The following TRIM38 variants were observed in gnomAD, a reference collection of about 807,000 sequenced individuals.
TRIM38 encodes the protein tripartite motif containing 38, also known as E3 ubiquitin-protein ligase TRIM38.
TRIM38 carries 35 observed loss-of-function variants against 35.8 expected under a neutral mutation model. That is an observed-to-expected ratio of 0.98 (90% CI 0.75 to 1.30). The LOEUF is 1.30. TRIM38 is among the 50% of genes most tolerant of loss of function. TRIM38 has a pLI of 0.00. For synonymous variants in TRIM38, 198 were observed against 204.7 expected (o/e 0.97, Z 0.28); for missense variants, 545 against 556.9 (o/e 0.98, Z 0.21).
chr6:25,986,473 C>T lies in TRIM38; in HGVS notation c.*2786C>T, dbSNP rs1760710925. 1 of 147,596 alleles carries T rather than the reference C, an allele frequency of 6.8e-6. No homozygotes were observed. 9.1% of individuals were successfully genotyped at this position (147,596 alleles called of 1,614,324 possible). A position where few individuals can be genotyped will look rare whatever the true frequency, so the allele number is the denominator to read the frequency against. ...AGGCTGCAGTGAGCCATGGTCATGC[C>T]ACTGAATTCCAGCCTAAGTGACAGA... On this transcript the variant is annotated 3_prime_UTR_variant, in exon 8 of 8. Coordinates refer to ENST00000357085, the MANE Select transcript of TRIM38 (RefSeq NM_006355.5).
rs940394631 is a variant in TRIM38 at position 25,985,879 on chromosome 6, A to G, written c.*2192A>G. Reference sequence around the variant, plus strand: ...TATCCCTAAGCACTTAGATTGCTGAATAAGAAAGAATGATAATAAAATAAA... The same window carrying G: ...TATCCCTAAGCACTTAGATTGCTGAGTAAGAAAGAATGATAATAAAATAAA... On this transcript the variant is annotated 3_prime_UTR_variant, in exon 8 of 8. Transcript: ENST00000357085. The G allele has an allele frequency of 6.6e-6, 1 of 152,226 alleles. No individual in the cohort carries two copies. Among genetic ancestry groups the G allele is most frequent in the Non-Finnish European group, 1.5e-5 (1 of 68,046 alleles). 9.4% of individuals were successfully genotyped at this position (152,226 alleles called of 1,614,324 possible).
At chr6:25,981,440 C>A (rs909636825) in intron 7 of TRIM38, among the ~76,000 whole-genome samples, 1 of 152,234 alleles carries the variant, frequency 6.6e-6, no homozygotes, top group Non-Finnish European at 1.5e-5. Context: ...TTGTCACAGA[C>A]CAACTGATCA....
chr6:25,980,638 C>A (rs760306216), intron 7 of TRIM38, among the ~76,000 whole-genome samples: 1 of 152,188 alleles, frequency 6.6e-6, no homozygotes, highest in Non-Finnish European at 1.5e-5. Context: ...GCAGGCTGGT[C>A]TTGAACTCCT....
chr6:25,971,723 C>CT, intron 4 of TRIM38, 146 bp from the exon 5 acceptor site: 1 of 678,366 alleles, frequency 1.5e-6, no homozygotes, highest in Non-Finnish European at 2.5e-6. Flanking sequence ...AATATTTGCC[C>CT]TTTTGTTTCT....
chr6:25,967,600 A>G (rs1374360980), intron 3 of TRIM38, among the ~76,000 whole-genome samples: 2 of 137,064 alleles, frequency 1.5e-5, no homozygotes, highest in African/African-American at 2.8e-5. Context: ...CAATGGTGCA[A>G]TCTCGGCTCA....
At chr6:25,971,512 G>A (rs562605077) in intron 4 of TRIM38, among the ~76,000 whole-genome samples, 5 of 152,220 alleles carry the variant, frequency 3.3e-5, no homozygotes, top group African/African-American at 1.2e-4. Flanking sequence ...CTTTTACATT[G>A]TTACATTGTT....
rs750828973 is a variant in TRIM38 at position 25,966,868 on chromosome 6, GA to G, written c.347del (p.Glu116GlyfsTer29). 2.0e-5 allele frequency: 33 copies of G among 1,614,202 alleles called. 3 individuals carry two copies. The South Asian group carries it at 3.6e-4, about 18-fold the overall frequency. ...DEGQLICWRCERAPQHKGHTT... is the reference protein window; with the variant it reads ...DEGQLICWRCXRAPQHKGHTT... ...GGGGCAGCTCATCTGCTGGCGCTGT[GA>G]GCGGGCACCACAGCACAAAGGGCAC... On this transcript the variant is annotated frameshift_variant, in exon 3 of 8. Transcript: ENST00000357085. LOFTEE classifies it high-confidence loss of function.
intron 2 of TRIM38, among the ~76,000 whole-genome samples, chr6:25,965,332 A>G (rs1021585729): frequency 7.9e-5 from 12 of 152,352 alleles, no homozygotes; most frequent in South Asian, 2.1e-4. Context: ...GGAACAGAAA[A>G]ACTGAATTTT....
chr6:25,972,063 G>A lies in TRIM38; in HGVS notation c.702G>A (p.Glu234=), dbSNP rs1184978402. The change falls in exon 5 of 8, where the codon GAG becomes GAA. Residue 234 remains glutamate, a synonymous_variant. Transcript: ENST00000357085. ...TCAAGAGCCACATCCTGGAACTGGA[G>A]GAAAAATGTCAGGGCTCAGCCCAGA... ...NELKSHILEL[E]EKCQGSAQKL... is the part of the protein sequence containing the mutation. The A allele has an allele frequency of 2.5e-6, 4 of 1,614,182 alleles. No homozygotes were observed. The highest frequency in any genetic ancestry group is 1.7e-5 in the Admixed American group (1 of 60,026).
rs1298697787 is a variant in TRIM38, at chr6:25,988,284, C to T, written c.*4597C>T. ...CCTGTTCTGCTGTTGTACACTGCTG[C>T]TTCAGTAAAAGTTGCTAACACCACC... On this transcript the variant is annotated 3_prime_UTR_variant, in exon 8 of 8. Coordinates refer to ENST00000357085, the MANE Select transcript of TRIM38 (RefSeq NM_006355.5). The T allele has an allele frequency of 6.6e-6, 1 of 152,136 alleles. No homozygotes were observed. Among genetic ancestry groups the T allele is most frequent in the Non-Finnish European group, 1.5e-5 (1 of 68,066 alleles). 9.4% of individuals were successfully genotyped at this position (152,136 alleles called of 1,614,324 possible). A position where few individuals can be genotyped will look rare whatever the true frequency, so the allele number is the denominator to read the frequency against.
chr6:25,964,209 T>C (rs2113571220), intron 2 of TRIM38, among the ~76,000 whole-genome samples: 1 of 152,362 alleles, frequency 6.6e-6, no homozygotes, highest in Non-Finnish European at 1.5e-5. Flanking sequence ...TAGCCTTATT[T>C]ATAAATACTT....
chr6:25,973,627 C>T (rs1310126547), intron 7 of TRIM38: 2 of 983,308 alleles, frequency 2.0e-6, no homozygotes, highest in African/African-American at 1.7e-5. Flanking sequence ...GTACAAAGTG[C>T]TTAGCCCTGT....
rs573211452 is a variant in TRIM38 at position 25,983,464 on chromosome 6, G to A, written c.1175G>A (p.Gly392Asp). 1.5e-5 allele frequency: 25 copies of A among 1,614,098 alleles called. 1 individual carries two copies. The South Asian group carries it at 2.4e-4, about 16-fold the overall frequency. ...FWTLRLCKKK[G>D]YVALTSPPTS... is the part of the protein sequence containing the mutation. ...ACCCTCAGGCTGTGCAAAAAGAAAG[G>A]CTATGTAGCACTTACTTCTCCCCCA... Residue 392 changes from glycine to aspartate, a missense_variant, in exon 8 of 8, where the codon GGC (glycine) becomes GAC (aspartate). Gly to Asp is a moderately conservative substitution (Grantham distance 94). Coordinates refer to ENST00000357085, the MANE Select transcript of TRIM38 (RefSeq NM_006355.5).
chr6:25,978,803 A>T (rs59281021), intron 7 of TRIM38, among the ~76,000 whole-genome samples: 23,303 of 152,122 alleles, frequency 0.15, 1,892 homozygotes, highest in Middle Eastern at 0.22. Context: ...AGTAGCTGGG[A>T]CTATTGGTGT....
Position 25,966,793 on chromosome 6 carries a change from A to C in TRIM38, c.271A>C (p.Met91Leu), listed in dbSNP as rs368178608. 2.0e-5 allele frequency: 33 copies of C among 1,614,108 alleles called. No individual in the cohort carries two copies. The highest frequency in any genetic ancestry group is 5.0e-5 in the Admixed American group (3 of 60,004). Reference sequence around the variant, plus strand: ...AGCCCTCAAAGAGACGGATCAAGAAATGTCATGTGAGGAACACGGAGAGCA... The same window carrying C: ...AGCCCTCAAAGAGACGGATCAAGAACTGTCATGTGAGGAACACGGAGAGCA... Reference protein sequence around the residue: ...IEALKETDQEMSCEEHGEQFH... With the variant: ...IEALKETDQELSCEEHGEQFH... The change falls in exon 3 of 8, where the codon ATG becomes CTG. Residue 91 changes from methionine to leucine, a missense_variant. By Grantham distance (15) the Met-to-Leu change is conservative (BLOSUM62 2). Transcript: ENST00000357085.
At position 25,966,784 on chromosome 6, in the gene TRIM38, G is replaced by A; in HGVS notation, c.262G>A (p.Asp88Asn). 1 of 1,614,202 alleles carries A rather than the reference G, an allele frequency of 6.2e-7. No homozygotes were observed. Among genetic ancestry groups the A allele is most frequent in the South Asian group, 1.1e-5 (1 of 91,084 alleles). The change falls in exon 3 of 8, where the codon GAT (aspartate) becomes AAT (asparagine). Residue 88 changes from aspartate to asparagine, a missense_variant. Physicochemically the swap from Asp to Asn is conservative, Grantham distance 23. Coordinates refer to ENST00000357085, the MANE Select transcript of TRIM38 (RefSeq NM_006355.5). ...CCTCATTGAAGCCCTCAAAGAGACG[G>A]ATCAAGAAATGTCATGTGAGGAACA... ...GSLIEALKET[D>N]QEMSCEEHGE...
At chr6:25,980,612 G>T (rs968319702) in intron 7 of TRIM38, among the ~76,000 whole-genome samples, 15 of 152,086 alleles carry the variant, frequency 9.9e-5, no homozygotes, top group African/African-American at 3.4e-4. Context: ...GTAGAGCCAG[G>T]GTTTTGCCAT....
chr6:25,975,844 A>G (rs1179160324), intron 7 of TRIM38, among the ~76,000 whole-genome samples: 2 of 152,342 alleles, frequency 1.3e-5, no homozygotes, highest in African/African-American at 4.8e-5. Flanking sequence ...GAACTTAGTT[A>G]TTACAATGTT....
At chr6:25,980,880 AT>A (rs1282851238) in intron 7 of TRIM38, among the ~76,000 whole-genome samples, 1 of 152,126 alleles carries the variant, frequency 6.6e-6, no homozygotes, top group African/African-American at 2.4e-5. Context: ...TCCAATTGAT[AT>A]TTTTTCTCTT....
Sources: allele counts gnomAD v4.1 joint callset (sites outside exome capture counted in the v4.1 genomes callset), GRCh38; gene constraint gnomAD v4.1.1; transcripts MANE v1.5; gene names NCBI Gene and HGNC (gene_info 2026-07-23, HGNC 2026-07-21).